Variants in GRM8 observed in about 807,000 individuals in gnomAD.
The protein encoded by GRM8 is metabotropic glutamate receptor 8.
GRM8 carries 47 observed loss-of-function variants against 87.2 expected under a neutral mutation model. That is an observed-to-expected ratio of 0.54 (90% CI 0.43 to 0.69). The LOEUF is 0.69. GRM8 is among the 30% of genes least tolerant of loss of function. The pLI, the probability that GRM8 is intolerant of heterozygous loss-of-function variation, is 0.00. For missense variants in GRM8, 1,019 were observed against 1,139.2 expected, an observed-to-expected ratio of 0.89 and a Z score of 1.52; for synonymous variants, 396 against 404.5, an observed-to-expected ratio of 0.98 and a Z score of 0.25.
At chr7:127,040,208 C>T (rs2132390769) in intron 3 of GRM8, among the ~76,000 whole-genome samples, 1 of 152,106 alleles carries the variant, frequency 6.6e-6, no homozygotes, top group African/African-American at 2.4e-5. Context: ...CTGCTTTAGT[C>T]TCCCTGCCAT....
At chr7:127,096,134 G>A (rs1458096200) in intron 3 of GRM8, among the ~76,000 whole-genome samples, 1 of 152,228 alleles carries the variant, frequency 6.6e-6, no homozygotes, top group Non-Finnish European at 1.5e-5. Flanking sequence ...TTTCAGGAAT[G>A]CAAGAATGGG....
chr7:126,476,412 T>C (rs1805916865), intron 9 of GRM8, among the ~76,000 whole-genome samples: 1 of 152,034 alleles, frequency 6.6e-6, no homozygotes, highest in Non-Finnish European at 1.5e-5. Context: ...GAAAGAGCCA[T>C]CTCTAAAAAG....
intron 3 of GRM8, among the ~76,000 whole-genome samples, chr7:126,986,251 C>T (rs377278045): frequency 5.9e-5 from 9 of 152,098 alleles, no homozygotes; most frequent in Admixed American, 2.6e-4. Flanking sequence ...CTCAAATGAT[C>T]CTCCTGCCTC....
chr7:126,464,665 G>A (rs1804289097), intron 9 of GRM8, among the ~76,000 whole-genome samples: 1 of 151,416 alleles, frequency 6.6e-6, no homozygotes, highest in South Asian at 2.1e-4. Context: ...GTTGCCACGA[G>A]GCTTGCAAAT....
intron 3 of GRM8, among the ~76,000 whole-genome samples, chr7:126,987,759 G>A (rs1472396608): frequency 6.6e-6 from 1 of 152,082 alleles, no homozygotes; most frequent in Non-Finnish European, 1.5e-5. Context: ...CACGGCGCCC[G>A]GCCTTCTTGT....
intron 6 of GRM8, among the ~76,000 whole-genome samples, chr7:126,850,091 C>G (rs979249304): frequency 5.9e-5 from 9 of 152,124 alleles, no homozygotes; most frequent in African/African-American, 2.2e-4. Flanking sequence ...TCTTCCTTAT[C>G]CTCTCCTGAA....
intron 7 of GRM8, among the ~76,000 whole-genome samples, chr7:126,745,137 G>A (rs1563145505): frequency 6.6e-6 from 1 of 151,468 alleles, no homozygotes; most frequent in African/African-American, 2.4e-5. Context: ...CAAAATGTTT[G>A]AGAACTGCCG....
chr7:127,036,744 G>T (rs1314565578), intron 3 of GRM8, among the ~76,000 whole-genome samples: 1 of 152,134 alleles, frequency 6.6e-6, no homozygotes, highest in Non-Finnish European at 1.5e-5. Context: ...CCTTCATTAT[G>T]ATTCTGGGGA....
At chr7:126,472,630 C>A (rs780253161) in intron 9 of GRM8, among the ~76,000 whole-genome samples, 2 of 152,174 alleles carry the variant, frequency 1.3e-5, no homozygotes, top group Non-Finnish European at 2.9e-5. Context: ...GAAATTCAAG[C>A]CAGCTGCAGA....
At chr7:126,532,756 C>T (rs777207576) in intron 9 of GRM8, among the ~76,000 whole-genome samples, 196 bp downstream of exon 9, 8 of 113,614 alleles carry the variant, frequency 7.0e-5, no homozygotes, top group Middle Eastern at 5.1e-3. Flanking sequence ...GTGACCTTGA[C>T]GGATGGAGAT....
At chr7:126,733,977 C>T (rs1440408631) in intron 7 of GRM8, among the ~76,000 whole-genome samples, 2 of 151,942 alleles carry the variant, frequency 1.3e-5, no homozygotes, top group African/African-American at 4.8e-5. Context: ...AATAAAAGTG[C>T]TACTTAAAAA....
chr7:126,590,150 GA>G (rs1449455275), intron 8 of GRM8, among the ~76,000 whole-genome samples: 3 of 151,254 alleles, frequency 2.0e-5, no homozygotes, highest in Non-Finnish European at 4.4e-5. Flanking sequence ...CGGTATAAGG[GA>G]AAAATCTTCA....
intron 2 of GRM8, among the ~76,000 whole-genome samples, chr7:127,145,675 C>T (rs1439215277): frequency 1.3e-5 from 2 of 152,106 alleles, no homozygotes; most frequent in Non-Finnish European, 2.9e-5. Context: ...GGCCATTCAA[C>T]ACTTTGAAGC....
intron 3 of GRM8, among the ~76,000 whole-genome samples, chr7:127,014,995 A>G (rs1322556597): frequency 8.2e-6 from 1 of 122,532 alleles, no homozygotes; most frequent in Admixed American, 9.7e-5. Context: ...GAGGAAGAAG[A>G]AGAAGAAAGA....
chr7:126,476,237 C>A (rs994638568), intron 9 of GRM8, among the ~76,000 whole-genome samples: 1 of 151,994 alleles, frequency 6.6e-6, no homozygotes, highest in African/African-American at 2.4e-5. Flanking sequence ...GGCAACATAG[C>A]AATACTCATC....
chr7:126,535,583 A>G (rs924634772), intron 8 of GRM8, among the ~76,000 whole-genome samples: 3 of 152,182 alleles, frequency 2.0e-5, no homozygotes, highest in Non-Finnish European at 2.9e-5. Context: ...ATGCAGAGTA[A>G]GGGGTGGATT....
intron 6 of GRM8, among the ~76,000 whole-genome samples, chr7:126,882,845 G>A (rs1300963564): frequency 1.3e-5 from 2 of 152,036 alleles, no homozygotes; most frequent in African/African-American, 2.4e-5. Flanking sequence ...ATGTGAAATA[G>A]TATCCTCATT....
chr7:127,166,988 T>C (rs1793490876), intron 2 of GRM8, among the ~76,000 whole-genome samples: 2 of 152,182 alleles, frequency 1.3e-5, no homozygotes, highest in Non-Finnish European at 2.9e-5. Flanking sequence ...AATTATGATC[T>C]GCAAGCATGA....
At chr7:127,154,544 G>A (rs1275760896) in intron 2 of GRM8, among the ~76,000 whole-genome samples, 3 of 151,924 alleles carry the variant, frequency 2.0e-5, no homozygotes, top group African/African-American at 4.8e-5. Flanking sequence ...GTCCCTGAAC[G>A]TGGCTTTAGG....
Sources: gnomAD v4.1 joint callset for allele counts (sites outside exome capture counted in the v4.1 genomes callset) on GRCh38, gnomAD v4.1.1 for gene constraint, MANE v1.5 for transcripts, NCBI Gene and HGNC (gene_info 2026-07-23, HGNC 2026-07-21) for gene names.